Variants in EEF1AKMT1 observed in about 807,000 individuals in gnomAD.
The protein encoded by EEF1AKMT1 is N-6 adenine-specific DNA methyltransferase 2 (putative).
Under a neutral mutation model 21.0 loss-of-function variants are expected in EEF1AKMT1, and 18 were observed. That is an observed-to-expected ratio of 0.86 (90% CI 0.59 to 1.27). The LOEUF (loss-of-function observed/expected upper bound fraction) is 1.27. Among genes scored for constraint, EEF1AKMT1 ranks in the 50% most tolerant of loss-of-function variants. The pLI, the probability that EEF1AKMT1 is intolerant of heterozygous loss-of-function variation, is 0.00. For missense variants in EEF1AKMT1, 246 were observed against 258.6 expected (o/e 0.95, Z 0.33); for synonymous variants, 109 against 94.8 (o/e 1.15, Z -0.87).
At chr13:20,740,542 C>T (rs551031188) in intron 2 of EEF1AKMT1, among the ~76,000 whole-genome samples, 35 of 152,350 alleles carry the variant, frequency 2.3e-4, no homozygotes, top group East Asian at 7.7e-4. Context: ...TGGTGGCTCA[C>T]GCCTGTAATC....
chr13:20,740,127 G>A (rs184631202), intron 2 of EEF1AKMT1, among the ~76,000 whole-genome samples: 101 of 152,368 alleles, frequency 6.6e-4, no homozygotes, highest in Non-Finnish European at 9.4e-4. Flanking sequence ...CAGGTGGGCC[G>A]GTAGTGCTGG....
chr13:20,764,687 C>T (rs1441059743), intron 1 of EEF1AKMT1, among the ~76,000 whole-genome samples: 1 of 151,978 alleles, frequency 6.6e-6, no homozygotes, highest in Non-Finnish European at 1.5e-5. Flanking sequence ...AAATTGTTCT[C>T]GTTTGGTGCG....
intron 1 of EEF1AKMT1, among the ~76,000 whole-genome samples, chr13:20,763,654 T>C (rs1566538548): frequency 6.6e-6 from 1 of 152,090 alleles, no homozygotes; most frequent in Non-Finnish European, 1.5e-5. Context: ...AGTTTCACCA[T>C]GTTGGCCAGG....
chr13:20,740,026 G>A (rs574122306), intron 2 of EEF1AKMT1, among the ~76,000 whole-genome samples: 1 of 152,252 alleles, frequency 6.6e-6, no homozygotes. Flanking sequence ...AGCCCATGGT[G>A]GGGGAGGAGG....
At chr13:20,766,379 T>C (rs981532505) in intron 1 of EEF1AKMT1, among the ~76,000 whole-genome samples, 3 of 148,528 alleles carry the variant, frequency 2.0e-5, no homozygotes, top group African/African-American at 7.5e-5. Flanking sequence ...TCAACTGAAA[T>C]GTCCAACCAT....
intron 1 of EEF1AKMT1, among the ~76,000 whole-genome samples, chr13:20,757,972 C>T (rs1303965571): frequency 1.3e-5 from 2 of 152,164 alleles, no homozygotes; most frequent in Non-Finnish European, 2.9e-5. Context: ...TAGTATAGTA[C>T]ACACAACAGG....
At chr13:20,765,691 A>G (rs1179597042) in intron 1 of EEF1AKMT1, among the ~76,000 whole-genome samples, 1 of 151,652 alleles carries the variant, frequency 6.6e-6, no homozygotes, top group Admixed American at 6.6e-5. Context: ...GATTACAGGC[A>G]TGAGCCACTG....
At chr13:20,737,497 G>A (rs1360992558) in intron 3 of EEF1AKMT1, among the ~76,000 whole-genome samples, 2 of 152,156 alleles carry the variant, frequency 1.3e-5, no homozygotes, top group African/African-American at 2.4e-5. Flanking sequence ...ATAAGAAACA[G>A]GTTAGAAAAT....
chr13:20,769,894 A>G (rs1049609659), intron 1 of EEF1AKMT1, among the ~76,000 whole-genome samples: 27 of 152,178 alleles, frequency 1.8e-4, no homozygotes, highest in Non-Finnish European at 3.2e-4. Context: ...TCAGATAACT[A>G]AAGAAAGGTG....
intron 3 of EEF1AKMT1, among the ~76,000 whole-genome samples, chr13:20,736,733 C>G (rs1220715548): frequency 1.1e-5 from 1 of 87,070 alleles, no homozygotes; most frequent in Non-Finnish European, 2.1e-5. Context: ...AACCATTTGA[C>G]TTTTTTTTTT....
intron 2 of EEF1AKMT1, among the ~76,000 whole-genome samples, chr13:20,755,895 G>T (rs2058969138): frequency 1.3e-5 from 2 of 151,800 alleles, no homozygotes; most frequent in African/African-American, 4.8e-5. Flanking sequence ...TTAAGCAGAA[G>T]GAAAAAAGAA....
chr13:20,751,489 G>A (rs961715236), intron 2 of EEF1AKMT1, among the ~76,000 whole-genome samples: 2 of 151,982 alleles, frequency 1.3e-5, no homozygotes, highest in African/African-American at 2.4e-5. Flanking sequence ...TTAATTTCTG[G>A]GTTCTCTATT....
intron 2 of EEF1AKMT1, chr13:20,757,208 A>T (rs997765883): frequency 3.8e-5 from 13 of 346,608 alleles, no homozygotes; most frequent in African/African-American, 1.9e-4. Flanking sequence ...TATCTGAAAA[A>T]CCCCATCTTC....
intron 2 of EEF1AKMT1, among the ~76,000 whole-genome samples, chr13:20,750,074 T>C (rs976316715): frequency 2.0e-5 from 3 of 152,204 alleles, no homozygotes; most frequent in Non-Finnish European, 2.9e-5. Context: ...TTTTCCAATG[T>C]CTTCTTTCCT....
chr13:20,761,365 A>G (rs908732294), intron 1 of EEF1AKMT1, among the ~76,000 whole-genome samples: 2 of 152,202 alleles, frequency 1.3e-5, no homozygotes, highest in African/African-American at 4.8e-5. Flanking sequence ...TTCACTCAGC[A>G]TGGTTTAAAA....
chr13:20,767,460 T>C (rs1030417743), intron 1 of EEF1AKMT1, among the ~76,000 whole-genome samples: 1 of 152,112 alleles, frequency 6.6e-6, no homozygotes, highest in South Asian at 2.1e-4. Flanking sequence ...ACTGTGGGTA[T>C]AGAATTTGAG....
chr13:20,758,714 A>G (rs1453175407), intron 1 of EEF1AKMT1, among the ~76,000 whole-genome samples: 1 of 152,190 alleles, frequency 6.6e-6, no homozygotes, highest in Non-Finnish European at 1.5e-5. Flanking sequence ...GAATAGCCAA[A>G]GCAATCCTAA....
In EEF1AKMT1 at chr13:20,737,786, T is replaced by G. The variant is rs750955070; in HGVS notation, c.164A>C (p.Tyr55Ser). The part of the protein sequence containing the change: ...EENWQLSQFW[Y>S]SQETALQLAQ... ...CAGCTGCAGAGCAGTTTCCTGACTA[T>G]ACCAAAACTGGCTCAGTTGCTGTAA... is the stretch of plus-strand genomic sequence containing the variant. Residue 55 changes from tyrosine (Y) to serine (S), a missense_variant, in exon 3 of 5, where the codon TAT (tyrosine) becomes TCT (serine). Coordinates refer to ENST00000382758, the MANE Select transcript of EEF1AKMT1 (RefSeq NM_001318939.2). The G allele has an allele frequency of 4.3e-6, 7 of 1,612,620 alleles. No individual in the cohort carries two copies. Among genetic ancestry groups the G allele is most frequent in the Non-Finnish European group, 5.9e-6 (7 of 1,179,360 alleles).
intron 1 of EEF1AKMT1, among the ~76,000 whole-genome samples, chr13:20,768,174 T>C (rs551623715): frequency 5.9e-5 from 9 of 152,250 alleles, no homozygotes; most frequent in African/African-American, 2.2e-4. Flanking sequence ...ATAGTTTTTT[T>C]ATGGAATGCC....
Sources: allele counts gnomAD v4.1 joint callset (sites outside exome capture counted in the v4.1 genomes callset), GRCh38; gene constraint gnomAD v4.1.1; transcripts MANE v1.5; gene names NCBI Gene and HGNC (gene_info 2026-07-23, HGNC 2026-07-21).